Variants in CNTN5 observed in about 807,000 individuals in gnomAD.
CNTN5 encodes contactin-5.
Under a neutral mutation model 129.1 loss-of-function variants are expected in CNTN5, and 77 were observed. That is an observed-to-expected ratio of 0.60 (90% CI 0.50 to 0.72). CNTN5 has a LOEUF of 0.72. Among genes scored for constraint, CNTN5 ranks in the 30% least tolerant of loss-of-function variants. The probability of loss-of-function intolerance (pLI) is 0.00; values close to 1 mark genes in which losing one functional copy is unlikely to be tolerated. For synonymous variants in CNTN5, 509 were observed against 465.6 expected (o/e 1.09, Z -1.20); for missense variants, 1,478 against 1,328.8 (o/e 1.11, Z -1.75).
In CNTN5 at chr11:99,753,418, G is replaced by A. The variant is rs1565491928; in HGVS notation, c.56-66126G>A. Reference sequence around the variant, plus strand: ...ATTACAGACGTGAGCCACCGCGCCCGGCCTGCTTTTTGTCATTATAGTTTT... The same window carrying A: ...ATTACAGACGTGAGCCACCGCGCCCAGCCTGCTTTTTGTCATTATAGTTTT... On this transcript the variant is annotated intron_variant, in intron 3 of 24. Transcript: ENST00000524871. 9.3e-5 allele frequency among the ~76,000 whole-genome samples: 14 copies of A among 151,006 alleles called. No homozygotes were observed. The South Asian group carries it at 2.5e-3, about 27-fold the overall frequency.
At chr11:99,404,209 T>G (rs12801377) in intron 2 of CNTN5, among the ~76,000 whole-genome samples, 5 of 151,442 alleles carry the variant, frequency 3.3e-5, no homozygotes, top group African/African-American at 1.2e-4. Flanking sequence ...GTCATGGAAT[T>G]TATTTTTTCA....
intron 3 of CNTN5, among the ~76,000 whole-genome samples, chr11:99,578,177 C>T (rs945687813): frequency 2.6e-5 from 4 of 152,044 alleles, no homozygotes; most frequent in African/African-American, 9.7e-5. Flanking sequence ...TTCATGGCTG[C>T]ATAGTATTCC....
At chr11:100,006,954 G>T (rs1168660108) in intron 9 of CNTN5, among the ~76,000 whole-genome samples, 2 of 152,070 alleles carry the variant, frequency 1.3e-5, no homozygotes. Flanking sequence ...TTTTGTGTTA[G>T]CAGGCATGAA....
At chr11:99,606,829 G>C (rs1178136476) in intron 3 of CNTN5, among the ~76,000 whole-genome samples, 35 of 139,300 alleles carry the variant, frequency 2.5e-4, no homozygotes, top group East Asian at 6.4e-4. Flanking sequence ...ACAAACCTGA[G>C]AAAAACAAGC....
intron 24 of CNTN5, among the ~76,000 whole-genome samples, chr11:100,351,657 T>TAAAAAAAAAAA (rs60798966): frequency 3.9e-5 from 4 of 103,596 alleles, no homozygotes; most frequent in East Asian, 2.5e-4. Context: ...GTAGAGATAG[T>TAAAAAAAAAAA]AAAAAAAAAA....
intron 1 of CNTN5, among the ~76,000 whole-genome samples, chr11:99,133,615 C>CAAAAAAAACA (rs566769880): frequency 9.4e-6 from 1 of 105,998 alleles, no homozygotes; most frequent in African/African-American, 3.7e-5. Context: ...AGACACTTCT[C>CAAAAAAAACA]AAGAAAAAAA....
chr11:100,206,713 C>T (rs1422982967), intron 15 of CNTN5, among the ~76,000 whole-genome samples: 1 of 151,966 alleles, frequency 6.6e-6, no homozygotes, highest in Non-Finnish European at 1.5e-5. Context: ...AATAAATGTA[C>T]TTCGGGAAAA....
chr11:99,626,516 G>T (rs1256141254), intron 3 of CNTN5, among the ~76,000 whole-genome samples: 1 of 152,048 alleles, frequency 6.6e-6, no homozygotes, highest in Non-Finnish European at 1.5e-5. Flanking sequence ...CAGTGCAAAT[G>T]TTGCCCTTCT....
chr11:99,941,060 T>A (rs1296866098), intron 7 of CNTN5, among the ~76,000 whole-genome samples: 2 of 152,230 alleles, frequency 1.3e-5, no homozygotes, highest in Non-Finnish European at 2.9e-5. Context: ...CATTTAAAAA[T>A]TTTATACGTT....
intron 1 of CNTN5, among the ~76,000 whole-genome samples, chr11:99,118,804 C>A (rs1258454330): frequency 6.6e-6 from 1 of 151,464 alleles, no homozygotes; most frequent in Non-Finnish European, 1.5e-5. Context: ...ACCTAAATTT[C>A]CAAAATGTCA....
intron 1 of CNTN5, among the ~76,000 whole-genome samples, chr11:99,278,246 G>A (rs1010006117): frequency 6.6e-6 from 1 of 151,554 alleles, no homozygotes; most frequent in African/African-American, 2.4e-5. Flanking sequence ...TGCTAACAGT[G>A]GGCTAGGCTT....
chr11:100,032,262 T>C (rs372689725), intron 9 of CNTN5, among the ~76,000 whole-genome samples: 1 of 152,102 alleles, frequency 6.6e-6, no homozygotes, highest in African/African-American at 2.4e-5. Flanking sequence ...GTTCTAGTGC[T>C]TTTTTTGCTG....
intron 3 of CNTN5, among the ~76,000 whole-genome samples, chr11:99,573,468 G>C (rs1420272043): frequency 2.0e-5 from 3 of 151,970 alleles, no homozygotes; most frequent in Non-Finnish European, 4.4e-5. Flanking sequence ...TATTCGGGAG[G>C]CTGAGGCAGG....
chr11:99,361,432 C>T (rs1169469512), intron 2 of CNTN5, among the ~76,000 whole-genome samples: 2 of 152,078 alleles, frequency 1.3e-5, no homozygotes, highest in African/African-American at 4.8e-5. Flanking sequence ...AATAATTGAA[C>T]CTGTGATTTG....
intron 18 of CNTN5, among the ~76,000 whole-genome samples, chr11:100,277,759 T>A (rs1394381198): frequency 6.6e-6 from 1 of 152,126 alleles, no homozygotes; most frequent in Non-Finnish European, 1.5e-5. Flanking sequence ...TTTCTCCCAT[T>A]CTGTGGGTTG....
At chr11:99,435,040 A>C (rs1398207598) in intron 2 of CNTN5, among the ~76,000 whole-genome samples, 4 of 152,174 alleles carry the variant, frequency 2.6e-5, no homozygotes, top group Non-Finnish European at 4.4e-5. Context: ...ATGTGACTTA[A>C]GTCTAGATAA....
rs914946068 is a variant in CNTN5 at position 99,061,520 on chromosome 11, C to T, written c.-210+40250C>T. Reference sequence around the variant, plus strand: ...AGACCTTGGCTTCTACCTATTGCTGCTGTAACCACTCTGATCTACTTCAGG... The same window carrying T: ...AGACCTTGGCTTCTACCTATTGCTGTTGTAACCACTCTGATCTACTTCAGG... On this transcript the variant is annotated intron_variant, in intron 1 of 24. Transcript: ENST00000524871. Among the ~76,000 whole-genome samples, 9 of 152,088 alleles carry T rather than the reference C, an allele frequency of 5.9e-5. 1 individual carries two copies. The highest frequency in any genetic ancestry group is 3.9e-4 in the Admixed American group (6 of 15,260).
intron 1 of CNTN5, among the ~76,000 whole-genome samples, chr11:99,156,969 C>T (rs78481405): frequency 0.017 from 2,537 of 152,008 alleles, 55 homozygotes; most frequent in African/African-American, 0.057. Flanking sequence ...TAATTAACAA[C>T]GGTAATGGTG....
rs114529819 is a variant in CNTN5 at position 100,305,313 on chromosome 11, A to G, written c.2621-3046A>G. On this transcript the variant is annotated intron_variant, in intron 20 of 24. Transcript: ENST00000524871. ...GAGTGAGGTAAGAAATAAAAACAAT[A>G]AAGTACTCCTTGTGTGAGACAATTG... Among the ~76,000 whole-genome samples, 1,416 of 151,676 alleles carry G rather than the reference A, an allele frequency of 9.3e-3. 22 individuals are homozygous for G. The highest frequency in any genetic ancestry group is 0.033 in the African/African-American group (1,362 of 41,452).
Sources: allele counts gnomAD v4.1 joint callset (sites outside exome capture counted in the v4.1 genomes callset), GRCh38; gene constraint gnomAD v4.1.1; transcripts MANE v1.5; gene names NCBI Gene and HGNC (gene_info 2026-07-23, HGNC 2026-07-21).